Variants in SCML4 observed in about 807,000 individuals in gnomAD.
The protein encoded by SCML4 is sex comb on midleg-like protein 4.
SCML4 carries 34 observed loss-of-function variants against 41.1 expected under a neutral mutation model. The ratio of observed to expected loss-of-function variants is 0.83; its 90% CI spans 0.63 to 1.10. The LOEUF is 1.10. Ranked by LOEUF, SCML4 falls within the 50% of genes least tolerant of loss-of-function variation. SCML4 has a pLI of 0.00. For synonymous variants in SCML4, 214 were observed against 220.9 expected, an observed-to-expected ratio of 0.97 and a Z score of 0.28; for missense variants, 522 against 534.1, an observed-to-expected ratio of 0.98 and a Z score of 0.22.
upstream of SCML4, among the ~76,000 whole-genome samples, chr6:107,827,557 G>T (rs979806736): frequency 6.6e-6 from 1 of 152,088 alleles, no homozygotes; most frequent in Non-Finnish European, 1.5e-5. Flanking sequence ...GGGATGACTG[G>T]TATTAGCTGA....
intron 6 of SCML4, among the ~76,000 whole-genome samples, chr6:107,716,245 C>T (rs533408208): frequency 1.3e-5 from 2 of 152,266 alleles, no homozygotes; most frequent in East Asian, 3.9e-4. Context: ...GTCCTGTCTG[C>T]TCTTGTTCCA....
chr6:107,727,712 C>T (rs935420370), intron 5 of SCML4, among the ~76,000 whole-genome samples: 9 of 152,222 alleles, frequency 5.9e-5, no homozygotes, highest in African/African-American at 2.2e-4. Context: ...TAAAAAGGAC[C>T]TGGCTATGGA....
chr6:107,826,875 A>G (rs1005777226), upstream of SCML4, among the ~76,000 whole-genome samples: 1 of 151,794 alleles, frequency 6.6e-6, no homozygotes, highest in Non-Finnish European at 1.5e-5. Flanking sequence ...CATCCTGGCT[A>G]ACACGGTGAA....
At chr6:107,781,925 C>T (rs1045017065) in intron 1 of SCML4, among the ~76,000 whole-genome samples, 1 of 152,098 alleles carries the variant, frequency 6.6e-6, no homozygotes, top group Non-Finnish European at 1.5e-5. Flanking sequence ...AATGGGCCCT[C>T]GCTGTGAGGG....
At chr6:107,824,635 T>G (rs904096829), upstream of SCML4, among the ~76,000 whole-genome samples, 1 of 152,130 alleles carries the variant, frequency 6.6e-6, no homozygotes, top group African/African-American at 2.4e-5. Flanking sequence ...TGTAATAACC[T>G]GAATTATGTC....
intron 5 of SCML4, among the ~76,000 whole-genome samples, chr6:107,737,840 G>A (rs1056158736): frequency 3.3e-5 from 5 of 152,110 alleles, no homozygotes; most frequent in East Asian, 3.8e-4. Context: ...TACCTTCAGC[G>A]CTGTGCAATC....
chr6:107,809,901 G>A (rs1430947873), intron 1 of SCML4, among the ~76,000 whole-genome samples: 1 of 152,182 alleles, frequency 6.6e-6, no homozygotes, highest in Non-Finnish European at 1.5e-5. Context: ...GGAGACGGAG[G>A]TGGGAGGATT....
chr6:107,801,717 G>C (rs995710581), intron 1 of SCML4, among the ~76,000 whole-genome samples: 1 of 152,170 alleles, frequency 6.6e-6, no homozygotes, highest in Non-Finnish European at 1.5e-5. Context: ...TGTGGAATGG[G>C]GGTTAGCACA....
intron 1 of SCML4, among the ~76,000 whole-genome samples, chr6:107,822,508 C>CTTTTTTTTTTTTTTTTT (rs10677944): frequency 2.2e-5 from 3 of 137,996 alleles, no homozygotes; most frequent in East Asian, 2.0e-4. Flanking sequence ...TTTTTCTTTT[C>CTTTTTTTTTTTTTTTTT]TTTTTTTTTT....
upstream of SCML4, among the ~76,000 whole-genome samples, chr6:107,826,926 G>A (rs1400720347): frequency 1.3e-5 from 2 of 151,984 alleles, no homozygotes; most frequent in East Asian, 1.9e-4. Context: ...AGCTGGGAGT[G>A]GTGGCAGGCG....
At chr6:107,773,690 G>A (rs1411715470) in intron 1 of SCML4, among the ~76,000 whole-genome samples, 1 of 151,926 alleles carries the variant, frequency 6.6e-6, no homozygotes, top group South Asian at 2.1e-4. Context: ...AGAACATAGT[G>A]GTATCATGAG....
intron 2 of SCML4, among the ~76,000 whole-genome samples, chr6:107,755,087 G>C (rs1778993097): frequency 6.6e-6 from 1 of 151,348 alleles, no homozygotes; most frequent in South Asian, 2.1e-4. Context: ...CTGGGCAACA[G>C]AGACAGACCC....
At chr6:107,713,354 T>G (rs1774415589) in intron 6 of SCML4, among the ~76,000 whole-genome samples, 1 of 152,132 alleles carries the variant, frequency 6.6e-6, no homozygotes, top group Non-Finnish European at 1.5e-5. Flanking sequence ...TGTTGTAAAA[T>G]AAAAGGGCTT....
Position 107,722,652 on chromosome 6 carries a change from C to T in SCML4, c.683-1659G>A, listed in dbSNP as rs866412497. Reference sequence around the variant, plus strand: ...ACAAGATCCAAATGTCTTCTCCATACATGGATTCTTCCACAATGTAGGAAG... The same window carrying T: ...ACAAGATCCAAATGTCTTCTCCATATATGGATTCTTCCACAATGTAGGAAG... On this transcript the variant is annotated intron_variant, in intron 5 of 7. Coordinates refer to ENST00000369020, the MANE Select transcript of SCML4 (RefSeq NM_198081.5). Among the ~76,000 whole-genome samples the T allele has an allele frequency of 5.3e-5, 8 of 152,214 alleles. No individual in the cohort carries two copies. In the South Asian group the frequency reaches 1.0e-3, roughly 20 times the overall value.
chr6:107,840,508 C>T, the SCML4 span, among the ~76,000 whole-genome samples: 2 of 152,228 alleles, frequency 1.3e-5, no homozygotes, highest in African/African-American at 2.4e-5. Flanking sequence ...GCAATGAATG[C>T]CTTCTGAGTG....
chr6:107,738,686 C>T (rs567819718), intron 5 of SCML4, among the ~76,000 whole-genome samples: 2 of 152,182 alleles, frequency 1.3e-5, no homozygotes, highest in Admixed American at 1.3e-4. Flanking sequence ...GAAGCCCTCC[C>T]TCTTCTTCAA....
At chr6:107,750,484 T>C (rs1213113111) in intron 2 of SCML4, among the ~76,000 whole-genome samples, 1 of 152,224 alleles carries the variant, frequency 6.6e-6, no homozygotes, top group Admixed American at 6.5e-5. Context: ...ATTAACAAGT[T>C]ACTCTTTATA....
At chr6:107,795,131 T>C (rs74951320) in intron 1 of SCML4, among the ~76,000 whole-genome samples, 8,575 of 152,284 alleles carry the variant, frequency 0.056, 714 homozygotes, top group African/African-American at 0.18. Flanking sequence ...CCTGTACAAA[T>C]AGTATACATC....
At chr6:107,824,905 C>T (rs1785193403), upstream of SCML4, among the ~76,000 whole-genome samples, 2 of 152,154 alleles carry the variant, frequency 1.3e-5, no homozygotes, top group South Asian at 4.1e-4. Context: ...CAGGTGTGTG[C>T]ACACACCATG....
Sources: gnomAD v4.1 joint callset for allele counts (sites outside exome capture counted in the v4.1 genomes callset) on GRCh38, gnomAD v4.1.1 for gene constraint, MANE v1.5 for transcripts, NCBI Gene and HGNC (gene_info 2026-07-23, HGNC 2026-07-21) for gene names.